The following EDN3 variants were observed in gnomAD, a reference collection of about 807,000 sequenced individuals.
EDN3 encodes the protein endothelin 3, also known as endothelin-3.
In EDN3, 9 loss-of-function variants were observed where a neutral mutation model predicts 21.4. That is an observed-to-expected ratio of 0.42 (90% CI 0.25 to 0.73). The LOEUF (loss-of-function observed/expected upper bound fraction) is 0.73. EDN3 is among the 30% of genes least tolerant of loss of function. The pLI, the probability that EDN3 is intolerant of heterozygous loss-of-function variation, is 0.26. For missense variants in EDN3, 327 were observed against 309.4 expected (o/e 1.06, Z -0.43); for synonymous variants, 133 against 126.2 (o/e 1.05, Z -0.36).
chr20:59,301,504 T>A lies in EDN3; in HGVS notation c.147T>A (p.Thr49=). ...GATCTGAGGGGGACTGTGAAGAGACTGTGGCTGGCCCTGGCGAGGAGACTG... is the reference window on the plus strand; with the variant it reads ...GATCTGAGGGGGACTGTGAAGAGACAGTGGCTGGCCCTGGCGAGGAGACTG... ...AARSEGDCEE[T]VAGPGEETVA... Residue 49 remains threonine (T), a synonymous_variant, in exon 2 of 5, where the codon ACT becomes ACA. Coordinates refer to ENST00000337938, the MANE Select transcript of EDN3 (RefSeq NM_207034.3). The A allele has an allele frequency of 6.2e-7, 1 of 1,613,012 alleles. No individual in the cohort carries two copies. Among genetic ancestry groups the A allele is most frequent in the South Asian group, 1.1e-5 (1 of 91,028 alleles).
intron 2 of EDN3, among the ~76,000 whole-genome samples, chr20:59,312,950 C>T (rs981348497): frequency 6.6e-6 from 1 of 152,168 alleles, no homozygotes; most frequent in Admixed American, 6.5e-5. Context: ...TGCTCTGGTA[C>T]CTTACCCATC....
chr20:59,315,186 T>C (rs770767007), intron 2 of EDN3, among the ~76,000 whole-genome samples: 4 of 152,210 alleles, frequency 2.6e-5, no homozygotes, highest in Non-Finnish European at 2.9e-5. Context: ...AAGTCTGAAA[T>C]TGAGCTGTAG....
chr20:59,306,193 A>T (rs1324528042), intron 2 of EDN3, among the ~76,000 whole-genome samples: 2 of 152,112 alleles, frequency 1.3e-5, no homozygotes, highest in African/African-American at 4.8e-5. Context: ...TCCAAACCAA[A>T]ATCTGACACA....
In EDN3 at chr20:59,311,919, A is replaced by G. The variant is rs572831510; in HGVS notation, c.366-9098A>G. 3.3e-5 allele frequency among the ~76,000 whole-genome samples: 5 copies of G among 152,312 alleles called. No individual in the cohort carries two copies. The South Asian group carries it at 1.0e-3, about 32-fold the overall frequency. ...CTTTACGGTCATTGTGATGGTAAGC[A>G]TAAGTCTTGCTCATGAAGATCTTTT... On this transcript the variant is annotated intron_variant, in intron 2 of 4. Coordinates refer to ENST00000337938, the MANE Select transcript of EDN3 (RefSeq NM_207034.3).
In EDN3 at chr20:59,300,633, C is replaced by G. The variant is rs1988924271; in HGVS notation, c.-180C>G. Reference sequence around the variant, plus strand: ...TCCGCGCAGGGATGGGCAGCGCGCTCTGAAAGTTTATGACCGCCGCAGCCA... The same window carrying G: ...TCCGCGCAGGGATGGGCAGCGCGCTGTGAAAGTTTATGACCGCCGCAGCCA... On this transcript the variant is annotated 5_prime_UTR_variant, in exon 1 of 5. Transcript: ENST00000337938. 6.3e-6 allele frequency: 4 copies of G among 637,142 alleles called. No homozygotes were observed. The highest frequency in any genetic ancestry group is 1.1e-5 in the Non-Finnish European group (4 of 369,888). The allele number at this position is 637,142 out of a possible 1,614,324, so 39.5% of individuals were successfully genotyped here. A position where few individuals can be genotyped will look rare whatever the true frequency, so the allele number is the denominator to read the frequency against.
At chr20:59,313,924 G>A (rs1376181259) in intron 2 of EDN3, among the ~76,000 whole-genome samples, 1 of 152,234 alleles carries the variant, frequency 6.6e-6, no homozygotes, top group Non-Finnish European at 1.5e-5. Context: ...TCTGGCATAA[G>A]GCCTGGCCCA....
intron 2 of EDN3, among the ~76,000 whole-genome samples, chr20:59,312,866 G>A (rs1989922862): frequency 6.6e-6 from 1 of 152,166 alleles, no homozygotes. Flanking sequence ...GAAGGAAGGT[G>A]CCCACCTTTC....
intron 2 of EDN3, among the ~76,000 whole-genome samples, chr20:59,303,247 G>C (rs113266274): frequency 2.6e-5 from 4 of 152,346 alleles, no homozygotes; most frequent in African/African-American, 9.6e-5. Flanking sequence ...CCACCTAGAG[G>C]ATGGGAGGTG....
At chr20:59,318,161 A>G (rs748606850) in intron 2 of EDN3, among the ~76,000 whole-genome samples, 2 of 152,198 alleles carry the variant, frequency 1.3e-5, no homozygotes, top group African/African-American at 2.4e-5. Context: ...CTCCAGGTAC[A>G]TATCTCCAGG....
At chr20:59,317,510 G>T in intron 2 of EDN3, among the ~76,000 whole-genome samples, 1 of 152,124 alleles carries the variant, frequency 6.6e-6, no homozygotes, top group East Asian at 1.9e-4. Context: ...TTGTTGAGAG[G>T]GTGAAGTGAT....
chr20:59,302,859 T>C (rs1023028814), intron 2 of EDN3, among the ~76,000 whole-genome samples: 14 of 152,124 alleles, frequency 9.2e-5, no homozygotes, highest in Non-Finnish European at 1.9e-4. Context: ...TCTGAGCCCT[T>C]GGTAGCAGCT....
intron 2 of EDN3, among the ~76,000 whole-genome samples, chr20:59,306,594 G>GCA (rs1989430275): frequency 3.5e-5 from 1 of 28,646 alleles, no homozygotes; most frequent in African/African-American, 1.6e-4. Flanking sequence ...TGCATAAAGA[G>GCA]TAAAAAAAAA....
intron 2 of EDN3, among the ~76,000 whole-genome samples, chr20:59,320,231 C>T (rs1209375013): frequency 4.6e-5 from 7 of 152,256 alleles, no homozygotes; most frequent in Non-Finnish European, 5.9e-5. Context: ...TCAGAGGTCA[C>T]GGAGTGTTCC....
rs137985872 is a variant in EDN3, at chr20:59,324,405, C to T, written c.663C>T (p.Leu221=). ...CAAAGCTCATGCCCGGCAGTGGACTCGCCCTCGCTCCATCTACCTGCCCCC... is the reference window on the plus strand; with the variant it reads ...CAAAGCTCATGCCCGGCAGTGGACTTGCCCTCGCTCCATCTACCTGCCCCC... ...HHPKLMPGSG[L]ALAPSTCPRC... is the part of the protein sequence containing the mutation. Residue 221 remains leucine, a synonymous_variant, in exon 5 of 5, where the codon CTC becomes CTT. Coordinates refer to ENST00000337938, the MANE Select transcript of EDN3 (RefSeq NM_207034.3). The T allele has an allele frequency of 1.4e-5, 23 of 1,614,066 alleles. No homozygotes were observed. The highest frequency in any genetic ancestry group is 8.3e-5 in the Admixed American group (5 of 60,008).
chr20:59,323,610 G>A (rs6070768), intron 4 of EDN3: 64,784 of 399,532 alleles, frequency 0.16, 5,829 homozygotes, highest in East Asian at 0.2. Context: ...AGGGTAGGAA[G>A]CGTGGGGTGG....
chr20:59,320,211 C>T (rs1990441090), intron 2 of EDN3, among the ~76,000 whole-genome samples: 1 of 152,246 alleles, frequency 6.6e-6, no homozygotes, highest in Non-Finnish European at 1.5e-5. Flanking sequence ...GCCAGGCCCT[C>T]ACCCGCCTCT....
chr20:59,324,213 G>C (rs1990708994), intron 4 of EDN3, 118 bp from the exon 5 acceptor site: 2 of 1,308,914 alleles, frequency 1.5e-6, no homozygotes, highest in Middle Eastern at 1.8e-4. Flanking sequence ...TCCAATCAGG[G>C]AACAGGCTGG....
At position 59,300,926 on chromosome 20, in the gene EDN3, G is replaced by A. The variant is rs1600715930; in HGVS notation, c.52+62G>A. 8 of 1,577,388 alleles carry A rather than the reference G, an allele frequency of 5.1e-6. No homozygotes were observed. In the East Asian group the frequency reaches 1.6e-4, roughly 31 times the overall value. ...GCGCACACAAAAGGACCCAGGGCGG[G>A]GGACCCGAGGCGCGGAGAAGATGTG... On this transcript the variant is annotated intron_variant, in intron 1 of 4. Transcript: ENST00000337938.
Position 59,301,518 on chromosome 20 carries a change from G to A in EDN3, c.161G>A (p.Gly54Asp), listed in dbSNP as rs1335386154. ...GDCEETVAGP[G>D]EETVAGPGEG... ...TGTGAAGAGACTGTGGCTGGCCCTG[G>A]CGAGGAGACTGTGGCTGGCCCTGGC... The change falls in exon 2 of 5, where the codon GGC (glycine) becomes GAC (aspartate). Residue 54 changes from glycine to aspartate, a missense_variant. Transcript: ENST00000337938. 1.9e-6 allele frequency: 3 copies of A among 1,612,968 alleles called. No homozygotes were observed. Among genetic ancestry groups the A allele is most frequent in the South Asian group, 1.1e-5 (1 of 91,044 alleles).
Sources: allele counts gnomAD v4.1 joint callset (sites outside exome capture counted in the v4.1 genomes callset), GRCh38; gene constraint gnomAD v4.1.1; transcripts MANE v1.5; gene names NCBI Gene and HGNC (gene_info 2026-07-23, HGNC 2026-07-21).